INTS8: variants seen among roughly 807,000 people sequenced by gnomAD.
The protein encoded by INTS8 is integrator complex subunit 8, also known as protein kaonashi-1.
In INTS8, 47 loss-of-function variants were observed where a neutral mutation model predicts 138.9. The observed-to-expected ratio is 0.34, with a 90% CI of 0.27 to 0.43. The LOEUF (loss-of-function observed/expected upper bound fraction) is 0.43, where lower values mean the gene tolerates loss of function less well. Among genes scored for constraint, INTS8 ranks in the 20% least tolerant of loss-of-function variants. The probability of loss-of-function intolerance (pLI) is 1.00; values close to 1 mark genes in which losing one functional copy is unlikely to be tolerated. For synonymous variants in INTS8, 392 were observed against 400.9 expected, an observed-to-expected ratio of 0.98 and a Z score of 0.27; for missense variants, 996 against 1,173.0, an observed-to-expected ratio of 0.85 and a Z score of 2.20.
intron 26 of INTS8, among the ~76,000 whole-genome samples, chr8:94,876,871 AC>A (rs760548660): frequency 2.6e-5 from 4 of 152,276 alleles, no homozygotes; most frequent in Admixed American, 6.5e-5. Context: ...AAGAACATTC[AC>A]CACCTAAGAA....
At chr8:94,869,044 G>A (rs545976456) in intron 20 of INTS8, among the ~76,000 whole-genome samples, 21 of 149,010 alleles carry the variant, frequency 1.4e-4, no homozygotes, top group African/African-American at 4.7e-4. Flanking sequence ...GTGCAGTGGC[G>A]CAATCTCGGC....
At chr8:94,857,907 G>C (rs1356368643) in intron 15 of INTS8, among the ~76,000 whole-genome samples, 1 of 152,224 alleles carries the variant, frequency 6.6e-6, no homozygotes, top group Non-Finnish European at 1.5e-5. Flanking sequence ...GCAATGTTCA[G>C]GTGTTTGAAA....
At position 94,844,746 on chromosome 8, in the gene INTS8, G is replaced by A. The variant is rs192309863; in HGVS notation, c.1260+2258G>A. Among the ~76,000 whole-genome samples the A allele has an allele frequency of 7.2e-3, 1,049 of 146,370 alleles. 6 individuals are homozygous for A. The highest frequency in any genetic ancestry group is 0.011 in the Non-Finnish European group (737 of 66,470). ...ATATCTTCACTGAGTTTGACTTTTA[G>A]TTTTTCTTTTTTTTTTTTTTTTGTT... On this transcript the variant is annotated intron_variant, in intron 10 of 26. Transcript: ENST00000523731.
chr8:94,866,131 G>A (rs200390815), intron 17 of INTS8, 27 bp from the exon 18 acceptor site: 3 of 945,096 alleles, frequency 3.2e-6, no homozygotes, highest in Admixed American at 4.5e-5. Flanking sequence ...AATATTAAAT[G>A]TGTATTCAAA....
intron 5 of INTS8, among the ~76,000 whole-genome samples, chr8:94,829,722 CAT>C (rs1321613749): frequency 5.9e-5 from 9 of 152,246 alleles, no homozygotes; most frequent in Middle Eastern, 3.4e-3. Flanking sequence ...CTAAATCACA[CAT>C]AGTCTTTCAG....
intron 2 of INTS8, among the ~76,000 whole-genome samples, chr8:94,826,578 G>A (rs1224761958): frequency 6.6e-6 from 1 of 152,188 alleles, no homozygotes; most frequent in Non-Finnish European, 1.5e-5. Context: ...TTGACAGTAA[G>A]CAAGTCTAAG....
chr8:94,841,799 G>T (rs746893731), intron 9 of INTS8, among the ~76,000 whole-genome samples: 9 of 152,150 alleles, frequency 5.9e-5, no homozygotes, highest in South Asian at 2.1e-4. Context: ...CGGGCGAGGT[G>T]TCTCATGCCT....
intron 16 of INTS8, among the ~76,000 whole-genome samples, chr8:94,863,804 A>G (rs550626206): frequency 6.6e-6 from 1 of 152,372 alleles, no homozygotes; most frequent in African/African-American, 2.4e-5. Flanking sequence ...CTGGCATTAC[A>G]CTGCAGTGAA....
Position 94,853,840 on chromosome 8 carries a change from G to C in INTS8, c.1677G>C (p.Leu559=). The change falls in exon 14 of 27, where the codon CTG becomes CTC. Residue 559 remains leucine, a synonymous_variant. Transcript: ENST00000523731. ...CTTCTGTCTATAGTGGTGTTATCCT[G>C]GGAATTAAAGACAATTTAACAAGAG... ...EVPSVYSGVI[L]GIKDNLTRDL... 6.2e-7 allele frequency: 1 copy of C among 1,610,700 alleles called. No homozygotes were observed. Among genetic ancestry groups the C allele is most frequent in the South Asian group, 1.1e-5 (1 of 91,002 alleles).
chr8:94,824,833 C>G (rs1425789787), intron 1 of INTS8, 60 bp from the exon 2 acceptor site: 7 of 561,778 alleles, frequency 1.2e-5, no homozygotes, highest in Non-Finnish European at 1.5e-5. Flanking sequence ...AATAGTGAAT[C>G]CTTTTGTATC....
intron 15 of INTS8, among the ~76,000 whole-genome samples, 186 bp from the exon 16 acceptor site, chr8:94,859,325 G>A (rs1242749254): frequency 6.6e-6 from 1 of 151,548 alleles, no homozygotes; most frequent in African/African-American, 2.4e-5. Flanking sequence ...TGTTGCCCAG[G>A]CTGGTCTCAA....
At chr8:94,852,739 C>A (rs908819621) in intron 13 of INTS8, among the ~76,000 whole-genome samples, 1 of 151,910 alleles carries the variant, frequency 6.6e-6, no homozygotes, top group Non-Finnish European at 1.5e-5. Flanking sequence ...CAGGCATGCC[C>A]CCACCATGCC....
intron 8 of INTS8, 69 bp from the exon 9 acceptor site, chr8:94,841,422 G>T (rs184287892): frequency 2.9e-6 from 2 of 681,764 alleles, no homozygotes. Flanking sequence ...ATTATAGAAA[G>T]ACTTGTTTAA....
chr8:94,854,459 A>G (rs1478786596), intron 14 of INTS8, among the ~76,000 whole-genome samples: 2 of 152,216 alleles, frequency 1.3e-5, no homozygotes, highest in South Asian at 2.1e-4. Context: ...TATTATTTGT[A>G]TTCTTTAGGA....
chr8:94,876,528 C>T, intron 26 of INTS8, 39 bp downstream of exon 26: 1 of 1,316,222 alleles, frequency 7.6e-7, no homozygotes, highest in Non-Finnish European at 1.1e-6. Flanking sequence ...GTACAGTTTC[C>T]AGAATATTAA....
rs1198185182 is a variant in INTS8 at position 94,829,018 on chromosome 8, T to C, written c.562T>C (p.Leu188=). The C allele has an allele frequency of 6.3e-7, 1 of 1,598,648 alleles. No homozygotes were observed. Among genetic ancestry groups the C allele is most frequent in the South Asian group, 1.1e-5 (1 of 89,278 alleles). ...GGAAAAAGAGCTAACAGAAAACATT[T>C]TGAAAGTGGTAAGTATTGGCATCAG... ...QQEKELTENI[L]KVLKEQAADS... Residue 188 remains leucine (L), a synonymous_variant, in exon 5 of 27, where the codon TTG becomes CTG. Transcript: ENST00000523731.
At chr8:94,849,253 A>G (rs1319198297) in intron 10 of INTS8, among the ~76,000 whole-genome samples, 1 of 152,176 alleles carries the variant, frequency 6.6e-6, no homozygotes, top group Non-Finnish European at 1.5e-5. Flanking sequence ...ATACACCTGC[A>G]CTTATTAAAA....
chr8:94,841,465 G>A, intron 8 of INTS8, 26 bp from the exon 9 acceptor site: 3 of 1,143,848 alleles, frequency 2.6e-6, no homozygotes, highest in Non-Finnish European at 3.8e-6. Flanking sequence ...TTTTGAAATG[G>A]GTGCAACTTT....
intron 1 of INTS8, among the ~76,000 whole-genome samples, chr8:94,823,785 G>A (rs1291957470): frequency 6.6e-6 from 1 of 152,240 alleles, no homozygotes; most frequent in Non-Finnish European, 1.5e-5. Flanking sequence ...GGAGGGCTTG[G>A]TGCTGTCATC....
Sources: allele counts gnomAD v4.1 joint callset (sites outside exome capture counted in the v4.1 genomes callset), GRCh38; gene constraint gnomAD v4.1.1; transcripts MANE v1.5; gene names NCBI Gene and HGNC (gene_info 2026-07-23, HGNC 2026-07-21).